KCNH8: variants seen among roughly 807,000 people sequenced by gnomAD.
KCNH8 encodes voltage-gated delayed rectifier potassium channel KCNH8.
Under a neutral mutation model 103.6 loss-of-function variants are expected in KCNH8, and 70 were observed. That is an observed-to-expected ratio of 0.68 (90% confidence interval 0.56 to 0.82). KCNH8 has a LOEUF of 0.82. KCNH8 is among the 40% of genes least tolerant of loss of function. The probability of loss-of-function intolerance (pLI) is 0.00; values close to 1 mark genes in which losing one functional copy is unlikely to be tolerated. For synonymous variants in KCNH8, 498 were observed against 489.4 expected (o/e 1.02, Z -0.23); for missense variants, 1,217 against 1,329.9 (o/e 0.92, Z 1.32).
At chr3:19,190,225 T>C (rs1470818327) in intron 1 of KCNH8, among the ~76,000 whole-genome samples, 1 of 151,950 alleles carries the variant, frequency 6.6e-6, no homozygotes, top group Non-Finnish European at 1.5e-5. Flanking sequence ...TTTTTTTCAC[T>C]TACAGAAGTT....
At chr3:19,220,044 C>T (rs536038514) in intron 1 of KCNH8, among the ~76,000 whole-genome samples, 1 of 152,304 alleles carries the variant, frequency 6.6e-6, no homozygotes, top group Admixed American at 6.5e-5. Flanking sequence ...ATGGTTCTCT[C>T]GTAGCCAATG....
chr3:19,365,457 G>A (rs974041349), intron 5 of KCNH8, among the ~76,000 whole-genome samples: 3 of 150,362 alleles, frequency 2.0e-5, no homozygotes, highest in African/African-American at 7.4e-5. Flanking sequence ...TTTAATATCT[G>A]CATAATATTC....
At chr3:19,503,373 T>C (rs1374936919) in intron 11 of KCNH8, among the ~76,000 whole-genome samples, 1 of 152,192 alleles carries the variant, frequency 6.6e-6, no homozygotes, top group Non-Finnish European at 1.5e-5. Context: ...AGTGTGGCGA[T>C]TCCTCAGGGG....
intron 10 of KCNH8, among the ~76,000 whole-genome samples, chr3:19,456,395 A>C (rs1286619716): frequency 6.6e-6 from 1 of 152,086 alleles, no homozygotes; most frequent in East Asian, 1.9e-4. Context: ...GGCACAATAA[A>C]AAATAAAAAT....
intron 1 of KCNH8, among the ~76,000 whole-genome samples, chr3:19,189,973 T>A (rs1045534817): frequency 6.6e-6 from 1 of 151,982 alleles, no homozygotes; most frequent in East Asian, 1.9e-4. Flanking sequence ...TTGATACATT[T>A]GGTAAAGGTT....
intron 11 of KCNH8, among the ~76,000 whole-genome samples, chr3:19,466,371 AG>A (rs2067736232): frequency 6.6e-6 from 1 of 152,226 alleles, no homozygotes; most frequent in Non-Finnish European, 1.5e-5. Flanking sequence ...AGGGTTTGAA[AG>A]GCTTGACTCC....
intron 1 of KCNH8, among the ~76,000 whole-genome samples, chr3:19,171,956 G>A (rs1449439395): frequency 1.3e-5 from 2 of 152,114 alleles, no homozygotes; most frequent in Non-Finnish European, 2.9e-5. Flanking sequence ...GTGTGACAAT[G>A]GGGTAATCTC....
Position 19,188,476 on chromosome 3 carries a change from A to T in KCNH8, c.76+39681A>T, listed in dbSNP as rs537035190. On this transcript the variant is annotated intron_variant, in intron 1 of 15. Transcript: ENST00000328405. ...CCAATACAACTTTATTAACAAAAAC[A>T]TGTGGTGGGGTGATTATGTCCAGAG... is the stretch of plus-strand genomic sequence containing the variant. Among the ~76,000 whole-genome samples the T allele has an allele frequency of 7.9e-5, 12 of 152,158 alleles. No homozygotes were observed. The South Asian group carries it at 2.5e-3, about 32-fold the overall frequency.
rs548728928 is a variant in KCNH8 at position 19,151,277 on chromosome 3, A to G, written c.76+2482A>G. 7.2e-5 allele frequency among the ~76,000 whole-genome samples: 11 copies of G among 152,234 alleles called. No homozygotes were observed. In the East Asian group the frequency reaches 1.9e-3, roughly 27 times the overall value. On this transcript the variant is annotated intron_variant, in intron 1 of 15. Coordinates refer to ENST00000328405, the MANE Select transcript of KCNH8 (RefSeq NM_144633.3). ...CATTTATTTTCTTTTGCAAGAGAAA[A>G]CTATTTACAAATTTTAAATTTACAA...
At position 19,277,437 on chromosome 3, in the gene KCNH8, G is replaced by A. The variant is rs532314648; in HGVS notation, c.311-3761G>A. ...AAACTAGCCAGGCGTGGTGGTGCAC[G>A]TCTGTAGTCCTAGCTACTTGGGAGG... On this transcript the variant is annotated intron_variant, in intron 2 of 15. Transcript: ENST00000328405. Among the ~76,000 whole-genome samples, 5 of 152,124 alleles carry A rather than the reference G, an allele frequency of 3.3e-5. No individual in the cohort carries two copies. In the South Asian group the frequency reaches 8.3e-4, roughly 25 times the overall value.
intron 14 of KCNH8, 135 bp downstream of exon 14, chr3:19,515,563 T>C (rs1399089260): frequency 2.3e-6 from 1 of 426,476 alleles, no homozygotes; most frequent in Non-Finnish European, 4.1e-6. Flanking sequence ...ACCAATACCA[T>C]TGAATAATTT....
chr3:19,520,539 T>C (rs925132522), intron 15 of KCNH8, among the ~76,000 whole-genome samples: 5 of 151,836 alleles, frequency 3.3e-5, no homozygotes, highest in African/African-American at 9.7e-5. Context: ...CTCATCTTTC[T>C]GTAAAGAGTT....
intron 2 of KCNH8, among the ~76,000 whole-genome samples, chr3:19,258,975 A>T: frequency 7.5e-6 from 1 of 132,902 alleles, no homozygotes; most frequent in Non-Finnish European, 1.6e-5. Flanking sequence ...ATATATATAT[A>T]TATATATCTG....
chr3:19,368,978 A>C (rs1252487342), intron 5 of KCNH8, among the ~76,000 whole-genome samples: 1 of 151,984 alleles, frequency 6.6e-6, no homozygotes, highest in Non-Finnish European at 1.5e-5. Context: ...CTATCTCTTA[A>C]TATTTGTAAG....
chr3:19,375,339 G>T (rs962880725), intron 5 of KCNH8, among the ~76,000 whole-genome samples: 37 of 148,916 alleles, frequency 2.5e-4, no homozygotes, highest in Admixed American at 1.7e-3. Flanking sequence ...TTCCCTTCTC[G>T]CTTCATTTCA....
intron 1 of KCNH8, among the ~76,000 whole-genome samples, chr3:19,243,762 T>C (rs560755023): frequency 6.6e-6 from 1 of 152,162 alleles, no homozygotes; most frequent in African/African-American, 2.4e-5. Flanking sequence ...TTTCCTCAAA[T>C]CTTCATGTAT....
chr3:19,263,862 G>A (rs1271123972), intron 2 of KCNH8, among the ~76,000 whole-genome samples: 1 of 151,966 alleles, frequency 6.6e-6, no homozygotes, highest in African/African-American at 2.4e-5. Flanking sequence ...GTCGCAACAG[G>A]CAAGAGAGCA....
At chr3:19,252,530 C>T (rs1444422643) in intron 1 of KCNH8, among the ~76,000 whole-genome samples, 1 of 151,932 alleles carries the variant, frequency 6.6e-6, no homozygotes, top group Non-Finnish European at 1.5e-5. Flanking sequence ...GCTGGGATTA[C>T]AGGGGCCCAC....
At chr3:19,185,580 T>C (rs1327139179) in intron 1 of KCNH8, among the ~76,000 whole-genome samples, 1 of 151,930 alleles carries the variant, frequency 6.6e-6, no homozygotes, top group Non-Finnish European at 1.5e-5. Flanking sequence ...TAAGTGGGAC[T>C]TGATTTTCAT....
Sources: allele counts gnomAD v4.1 joint callset (sites outside exome capture counted in the v4.1 genomes callset), GRCh38; gene constraint gnomAD v4.1.1; transcripts MANE v1.5; gene names NCBI Gene and HGNC (gene_info 2026-07-23, HGNC 2026-07-21).